PFKFB3: variants seen among roughly 807,000 people sequenced by gnomAD.
PFKFB3 encodes the protein 6-phosphofructo-2-kinase/fructose-2,6-biphosphatase 3, also known as 6-phosphofructo-2-kinase/fructose-2,6-bisphosphatase 3.
Under a neutral mutation model 68.0 loss-of-function variants are expected in PFKFB3, and 33 were observed. The ratio of observed to expected loss-of-function variants is 0.49; its 90% CI spans 0.37 to 0.65. The LOEUF (loss-of-function observed/expected upper bound fraction) is 0.65, where lower values mean the gene tolerates loss of function less well. PFKFB3 is among the 30% of genes least tolerant of loss of function. The pLI, the probability that PFKFB3 is intolerant of heterozygous loss-of-function variation, is 0.00. For missense variants in PFKFB3, 586 were observed against 712.2 expected (o/e 0.82, Z 2.02); for synonymous variants, 315 against 288.2 (o/e 1.09, Z -0.94).
At chr10:6,236,363 G>C, downstream of PFKFB3, among the ~76,000 whole-genome samples, 1 of 152,236 alleles carries the variant, frequency 6.6e-6, no homozygotes, top group East Asian at 1.9e-4. Context: ...ACCATGCGTG[G>C]AGGAAGCCCT....
chr10:6,197,319 T>A (rs1472350946), intron 1 of PFKFB3, among the ~76,000 whole-genome samples: 1 of 152,166 alleles, frequency 6.6e-6, no homozygotes, highest in Non-Finnish European at 1.5e-5. Flanking sequence ...ATACCTACCA[T>A]TGTGTTACAG....
At chr10:6,307,330 T>TACACACACAC in the PFKFB3 span, among the ~76,000 whole-genome samples, 36 of 99,186 alleles carry the variant, frequency 3.6e-4, no homozygotes, top group Non-Finnish European at 7.8e-4. Flanking sequence ...GCATGCGTAC[T>TACACACACAC]ACACACACAC....
At chr10:6,159,360 A>G (rs1433839477) in intron 1 of PFKFB3, among the ~76,000 whole-genome samples, 4 of 151,648 alleles carry the variant, frequency 2.6e-5, no homozygotes, top group Non-Finnish European at 4.4e-5. Context: ...GCGCCACTGC[A>G]CTCCAACCTG....
At chr10:6,248,343 AT>A (rs1193454072) in intron 14 of PFKFB3, among the ~76,000 whole-genome samples, 2 of 152,072 alleles carry the variant, frequency 1.3e-5, no homozygotes, top group Non-Finnish European at 2.9e-5. Context: ...AAATAATCTG[AT>A]TAAAAAATGT....
At chr10:6,259,562 CCATCCACT>C (rs1450850283), downstream of PFKFB3, among the ~76,000 whole-genome samples, 2 of 139,682 alleles carry the variant, frequency 1.4e-5, no homozygotes, top group African/African-American at 5.1e-5. Flanking sequence ...ATCCATCCAT[CCATCCACT>C]CATCCATCCA....
chr10:6,304,082 CAG>C, the PFKFB3 span, among the ~76,000 whole-genome samples: 3 of 152,176 alleles, frequency 2.0e-5, no homozygotes, highest in African/African-American at 7.2e-5. Flanking sequence ...GTTTTCTAAT[CAG>C]AGTTTTAGTG....
chr10:6,270,085 T>G, the PFKFB3 span, among the ~76,000 whole-genome samples: 2 of 152,098 alleles, frequency 1.3e-5, no homozygotes, highest in Non-Finnish European at 2.9e-5. Flanking sequence ...TGAGCCGAGA[T>G]CGCGCCATTG....
chr10:6,207,311 C>T (rs992161866), intron 1 of PFKFB3, among the ~76,000 whole-genome samples: 1 of 152,192 alleles, frequency 6.6e-6, no homozygotes, highest in African/African-American at 2.4e-5. Context: ...GGCGGCGCCT[C>T]CTGCAATCGC....
chr10:6,218,758 G>T (rs1290823496), intron 6 of PFKFB3, among the ~76,000 whole-genome samples: 3 of 152,144 alleles, frequency 2.0e-5, no homozygotes, highest in African/African-American at 7.2e-5. Context: ...TAAGTGTGCA[G>T]TACAGCAGCA....
At chr10:6,278,479 G>A in the PFKFB3 span, among the ~76,000 whole-genome samples, 3 of 151,912 alleles carry the variant, frequency 2.0e-5, no homozygotes, top group East Asian at 1.9e-4. Flanking sequence ...GTTTCACCAT[G>A]TTGTTCAGGC....
intron 14 of PFKFB3, among the ~76,000 whole-genome samples, chr10:6,227,602 C>T (rs948722979): frequency 6.6e-6 from 1 of 152,186 alleles, no homozygotes; most frequent in African/African-American, 2.4e-5. Flanking sequence ...CTGCATCAGG[C>T]CCAGTGTCGG....
In PFKFB3 at chr10:6,217,047, G is replaced by T; in HGVS notation, c.442-88G>T. On this transcript the variant is annotated intron_variant, in intron 5 of 14. Coordinates refer to ENST00000379775, the MANE Select transcript of PFKFB3 (RefSeq NM_004566.4). The stretch of plus-strand genomic sequence containing the variant: ...GGGAGTTGGTGGGTGGCGTGCTTCC[G>T]CCTTGTCCGGGTGATGACATCGCAG... 2.2e-6 allele frequency: 3 copies of T among 1,348,188 alleles called. No individual in the cohort carries two copies. The South Asian group carries it at 3.5e-5, about 16-fold the overall frequency. The allele number at this position is 1,348,188 out of a possible 1,614,324, so 83.5% of individuals were successfully genotyped here. A position where few individuals can be genotyped will look rare whatever the true frequency, so the allele number is the denominator to read the frequency against.
Position 6,216,164 on chromosome 10 carries a change from C to T in PFKFB3, c.339C>T (p.Tyr113=). Residue 113 remains tyrosine (Y), a synonymous_variant, in exon 4 of 15, where the codon TAC becomes TAT. Coordinates refer to ENST00000379775, the MANE Select transcript of PFKFB3 (RefSeq NM_004566.4). The part of the protein sequence containing the change: ...ALAALRDVKS[Y]LAKEGGQIAV... ...CTGCCTTGAGAGATGTCAAAAGCTA[C>T]CTGGCGAAAGAAGGGGGACAAATTG... is the stretch of plus-strand genomic sequence containing the variant. The T allele has an allele frequency of 6.2e-7, 1 of 1,614,162 alleles. No homozygotes were observed. Among genetic ancestry groups the T allele is most frequent in the Non-Finnish European group, 8.5e-7 (1 of 1,179,998 alleles).
downstream of PFKFB3, among the ~76,000 whole-genome samples, chr10:6,258,007 C>T (rs1380768816): frequency 6.6e-6 from 1 of 152,056 alleles, no homozygotes; most frequent in Non-Finnish European, 1.5e-5. Context: ...TCACCTAAGC[C>T]CAGGCATGGA....
rs567922932 is a variant in PFKFB3, at chr10:6,216,996, G to A, written c.442-139G>A. 9 of 926,490 alleles carry A rather than the reference G, an allele frequency of 9.7e-6. No homozygotes were observed. In the South Asian group the frequency reaches 1.0e-4, roughly 10 times the overall value. The allele number at this position is 926,490 out of a possible 1,614,324, so 57.4% of individuals were successfully genotyped here. ...GCCATGGGGCGTTCCAGAGGCTGCAGTGAGGAGGTGGGCTTTCCTGTGTTT... is the reference window on the plus strand; with the variant it reads ...GCCATGGGGCGTTCCAGAGGCTGCAATGAGGAGGTGGGCTTTCCTGTGTTT... On this transcript the variant is annotated intron_variant, in intron 5 of 14. Transcript: ENST00000379775.
At chr10:6,297,780 C>T in the PFKFB3 span, among the ~76,000 whole-genome samples, 1 of 152,152 alleles carries the variant, frequency 6.6e-6, no homozygotes, top group African/African-American at 2.4e-5. Context: ...GCTGACCTTT[C>T]CTTCTCTCCA....
rs181681804 is a variant in PFKFB3 at position 6,171,172 on chromosome 10, C to T, written c.16+26159C>T. 1.7e-3 allele frequency among the ~76,000 whole-genome samples: 263 copies of T among 152,190 alleles called. 6 individuals are homozygous for T. The highest frequency in any genetic ancestry group is 0.016 in the Admixed American group (242 of 15,276). On this transcript the variant is annotated intron_variant, in intron 1 of 14. Transcript: ENST00000379789. Reference sequence around the variant, plus strand: ...AAGTGATTCTCCTGCCCCAGCCTCCCGAGTAGCTGGGATTACAGGCATGCA... The same window carrying T: ...AAGTGATTCTCCTGCCCCAGCCTCCTGAGTAGCTGGGATTACAGGCATGCA...
the PFKFB3 span, among the ~76,000 whole-genome samples, chr10:6,308,241 G>A: frequency 2.6e-5 from 4 of 152,210 alleles, no homozygotes; most frequent in East Asian, 3.8e-4. Context: ...GGCCAGGTGC[G>A]GTGGCTCATG....
intron 1 of PFKFB3, among the ~76,000 whole-genome samples, chr10:6,193,298 G>A (rs1324848206): frequency 6.6e-6 from 1 of 152,194 alleles, no homozygotes; most frequent in Non-Finnish European, 1.5e-5. Context: ...CTGCACTAGA[G>A]TTTGTGTGAT....
Sources: allele counts gnomAD v4.1 joint callset (sites outside exome capture counted in the v4.1 genomes callset), GRCh38; gene constraint gnomAD v4.1.1; transcripts MANE v1.5; gene names NCBI Gene and HGNC (gene_info 2026-07-23, HGNC 2026-07-21).